The following ABLIM1 variants were observed in gnomAD, a reference collection of about 807,000 sequenced individuals.
The protein encoded by ABLIM1 is actin binding LIM protein 1, also known as actin-binding LIM protein 1.
A neutral mutation model predicts 107.0 loss-of-function variants in ABLIM1; 40 were observed. The ratio of observed to expected loss-of-function variants is 0.37; its 90% CI spans 0.29 to 0.49. The LOEUF (loss-of-function observed/expected upper bound fraction) is 0.49, where lower values mean the gene tolerates loss of function less well. Ranked by LOEUF, ABLIM1 falls within the 20% of genes least tolerant of loss-of-function variation. The pLI is 0.97. For missense variants in ABLIM1, 857 were observed against 1,008.5 expected (o/e 0.85, Z 2.04); for synonymous variants, 357 against 357.3 (o/e 1.00, Z 0.01).
At chr10:114,440,747 C>A (rs1270939373) in intron 19 of ABLIM1, 15 of 545,132 alleles carry the variant, frequency 2.8e-5, no homozygotes, top group Non-Finnish European at 5.2e-5. Flanking sequence ...AGGCATGAGC[C>A]ACCATGCCTG....
the ABLIM1 span, among the ~76,000 whole-genome samples, chr10:114,787,377 G>T: frequency 2.4e-4 from 36 of 151,188 alleles, no homozygotes; most frequent in African/African-American, 8.0e-4. Context: ...GTCTCCACCC[G>T]GCAGCCACCC....
At chr10:114,449,545 G>A (rs747090117) in intron 14 of ABLIM1, among the ~76,000 whole-genome samples, 5 of 152,156 alleles carry the variant, frequency 3.3e-5, no homozygotes, top group Non-Finnish European at 7.4e-5. Context: ...AGCCTCCCAA[G>A]TAGCTGAGAC....
chr10:114,791,668 C>T, the ABLIM1 span, among the ~76,000 whole-genome samples: 1 of 150,694 alleles, frequency 6.6e-6, no homozygotes, highest in Non-Finnish European at 1.5e-5. Flanking sequence ...GAAAACAAAA[C>T]AACAACAACA....
At chr10:114,710,281 G>A (rs2081520206) in intron 1 of ABLIM1, among the ~76,000 whole-genome samples, 1 of 152,146 alleles carries the variant, frequency 6.6e-6, no homozygotes, top group Non-Finnish European at 1.5e-5. Context: ...TGCTAATAAA[G>A]ACATACCCAA....
At chr10:114,782,375 T>A in the ABLIM1 span, among the ~76,000 whole-genome samples, 1 of 152,032 alleles carries the variant, frequency 6.6e-6, no homozygotes, top group Non-Finnish European at 1.5e-5. Flanking sequence ...ATTGATTGGG[T>A]AATTAAGGGA....
chr10:114,613,718 GC>G, intron 1 of ABLIM1: 1 of 1,317,790 alleles, frequency 7.6e-7, no homozygotes. Context: ...TGTGTTCACA[GC>G]ATCCAACTTG....
chr10:114,786,843 T>C, the ABLIM1 span, among the ~76,000 whole-genome samples: 6 of 152,156 alleles, frequency 3.9e-5, no homozygotes, highest in Non-Finnish European at 7.4e-5. Flanking sequence ...CTCGGCTCGC[T>C]ACAACATCCA....
upstream of ABLIM1, among the ~76,000 whole-genome samples, chr10:114,687,522 C>G (rs1396494438): frequency 6.6e-6 from 1 of 152,162 alleles, no homozygotes; most frequent in Non-Finnish European, 1.5e-5. Context: ...TAAGGTATGA[C>G]CGATAGTGAT....
upstream of ABLIM1, among the ~76,000 whole-genome samples, chr10:114,663,094 C>T (rs572571231): frequency 9.2e-5 from 14 of 152,328 alleles, no homozygotes; most frequent in South Asian, 2.1e-3. Context: ...CTTCTCTATG[C>T]CCTCAACACA....
At chr10:114,498,789 A>G (rs1358566396) in intron 6 of ABLIM1, among the ~76,000 whole-genome samples, 1 of 152,232 alleles carries the variant, frequency 6.6e-6, no homozygotes, top group East Asian at 1.9e-4. Context: ...GCTTCTTAGC[A>G]GATGAGGGCA....
At chr10:114,591,780 A>AT (rs5788074) in intron 2 of ABLIM1, among the ~76,000 whole-genome samples, 105,937 of 151,728 alleles carry the variant, frequency 0.7, 37,463 homozygotes, top group Middle Eastern at 0.77. Context: ...CAAACTTTGG[A>AT]TTTTTTTTCA....
chr10:114,703,988 A>C (rs961674517), intron 1 of ABLIM1, among the ~76,000 whole-genome samples: 32 of 152,094 alleles, frequency 2.1e-4, no homozygotes, highest in African/African-American at 7.7e-4. Flanking sequence ...CTCTTTGTGG[A>C]AATAATATGC....
intron 1 of ABLIM1, among the ~76,000 whole-genome samples, chr10:114,690,805 C>T (rs1452780100): frequency 6.6e-6 from 1 of 152,162 alleles, no homozygotes; most frequent in African/African-American, 2.4e-5. Context: ...CCTCAGCCTC[C>T]CAAGGAGCTG....
chr10:114,528,363 A>G (rs2065086842), intron 6 of ABLIM1, among the ~76,000 whole-genome samples: 1 of 152,238 alleles, frequency 6.6e-6, no homozygotes, highest in Non-Finnish European at 1.5e-5. Flanking sequence ...AGACCCTTTT[A>G]TATAGACATG....
chr10:114,460,638 T>C (rs1338137503), intron 12 of ABLIM1, among the ~76,000 whole-genome samples: 2 of 152,218 alleles, frequency 1.3e-5, no homozygotes, highest in Non-Finnish European at 2.9e-5. Context: ...AGCACCATGC[T>C]GACCAAGGTG....
intron 2 of ABLIM1, among the ~76,000 whole-genome samples, chr10:114,576,749 T>C (rs2072630240): frequency 6.6e-6 from 1 of 152,162 alleles, no homozygotes; most frequent in African/African-American, 2.4e-5. Flanking sequence ...ACAAACAAAC[T>C]TTCCATTGTG....
intron 1 of ABLIM1, among the ~76,000 whole-genome samples, chr10:114,617,524 TC>T (rs2077205376): frequency 6.6e-6 from 1 of 151,964 alleles, no homozygotes; most frequent in African/African-American, 2.4e-5. Flanking sequence ...CGCCTCGCCC[TC>T]CCAAAGTGCT....
intron 6 of ABLIM1, among the ~76,000 whole-genome samples, chr10:114,538,010 CT>C (rs1324051934): frequency 2.0e-5 from 3 of 152,210 alleles, no homozygotes; most frequent in African/African-American, 7.2e-5. Flanking sequence ...CTAGGATAAC[CT>C]ATGTTTTGCT....
chr10:114,557,645 C>T (rs1450479272), intron 4 of ABLIM1, among the ~76,000 whole-genome samples: 1 of 146,016 alleles, frequency 6.8e-6, no homozygotes. Flanking sequence ...GGACTTGAAA[C>T]TGACCCAATA....
Sources: allele counts gnomAD v4.1 joint callset (sites outside exome capture counted in the v4.1 genomes callset), GRCh38; gene constraint gnomAD v4.1.1; transcripts MANE v1.5; gene names NCBI Gene and HGNC (gene_info 2026-07-23, HGNC 2026-07-21).